TSEN2: variants seen among roughly 807,000 people sequenced by gnomAD.
TSEN2 encodes tRNA splicing endonuclease subunit 2.
In TSEN2, 54 loss-of-function variants were observed where a neutral mutation model predicts 59.2. The ratio of observed to expected loss-of-function variants is 0.91; its 90% confidence interval spans 0.73 to 1.14. The LOEUF (loss-of-function observed/expected upper bound fraction) is 1.14. Among genes scored for constraint, TSEN2 ranks in the 50% most tolerant of loss-of-function variants. TSEN2 has a pLI of 0.00. For synonymous variants in TSEN2, 195 were observed against 198.2 expected, an observed-to-expected ratio of 0.98 and a Z score of 0.14; for missense variants, 636 against 576.2, an observed-to-expected ratio of 1.10 and a Z score of -1.06.
intron 6 of TSEN2, among the ~76,000 whole-genome samples, 191 bp from the exon 7 acceptor site, chr3:12,516,420 G>T (rs1045354424): frequency 6.7e-6 from 1 of 149,282 alleles, no homozygotes; most frequent in Non-Finnish European, 1.5e-5. Flanking sequence ...GTGAGACTCC[G>T]TTTCAAAAAC....
Position 12,501,310 on chromosome 3 carries a change from T to G in TSEN2, c.309-1952T>G, listed in dbSNP as rs138710167. Reference sequence around the variant, plus strand: ...CACGGAGAAGTTAAGTAATTTGCATTGCCACACAGTTATAAGTAACAGGGC... The same window carrying G: ...CACGGAGAAGTTAAGTAATTTGCATGGCCACACAGTTATAAGTAACAGGGC... On this transcript the variant is annotated intron_variant, in intron 4 of 11. Transcript: ENST00000284995. Among the ~76,000 whole-genome samples, 43 of 152,324 alleles carry G rather than the reference T, an allele frequency of 2.8e-4. 1 individual carries two copies. Among genetic ancestry groups the G allele is most frequent in the African/African-American group, 8.9e-4 (37 of 41,572 alleles).
intron 10 of TSEN2, chr3:12,530,262 G>C (rs1294965635): frequency 9.9e-7 from 1 of 1,007,642 alleles, no homozygotes; most frequent in Non-Finnish European, 1.2e-6. Context: ...AAAGTTTGCA[G>C]ATCTCTTAGA....
Position 12,506,721 on chromosome 3 carries a change from G to A in TSEN2, c.909+1490G>A, listed in dbSNP as rs986723358. The A allele has an allele frequency of 8.1e-6, 8 of 985,232 alleles. No individual in the cohort carries two copies. In the South Asian group the frequency reaches 3.3e-4, roughly 40 times the overall value. The allele number at this position is 985,232 out of a possible 1,614,324, so 61.0% of individuals were successfully genotyped here. A position where few individuals can be genotyped will look rare whatever the true frequency, so the allele number is the denominator to read the frequency against. ...TTATGTTGATAGTGCACACAGAAAT[G>A]TCTTTTCTGCCTTTGAAGCTAGGAC... On this transcript the variant is annotated intron_variant, in intron 6 of 11. Transcript: ENST00000284995.
intron 8 of TSEN2, among the ~76,000 whole-genome samples, chr3:12,527,600 A>G (rs1439482343): frequency 6.6e-6 from 1 of 152,070 alleles, no homozygotes; most frequent in Admixed American, 6.6e-5. Context: ...AACAGCTTAC[A>G]GATGTAATTG....
At chr3:12,523,526 C>CTTTTTTTTTTGTTTTTTTTTTTTTTTT (rs2056824953) in intron 8 of TSEN2, among the ~76,000 whole-genome samples, 1 of 46,480 alleles carries the variant, frequency 2.2e-5, no homozygotes. Context: ...CTCTTTGATT[C>CTTTTTTTTTTGTTTTTTTTTTTTTTTT]TTTTTTTTTT....
At chr3:12,512,575 A>G (rs574054347) in intron 6 of TSEN2, among the ~76,000 whole-genome samples, 31 of 152,386 alleles carry the variant, frequency 2.0e-4, no homozygotes, top group Non-Finnish European at 3.8e-4. Context: ...TGGTGAAAGT[A>G]TTACACAGTG....
At chr3:12,510,378 A>G (rs1559322987) in intron 6 of TSEN2, among the ~76,000 whole-genome samples, 1 of 152,206 alleles carries the variant, frequency 6.6e-6, no homozygotes, top group African/African-American at 2.4e-5. Flanking sequence ...GTCTAACTCC[A>G]GTTTTAGAGG....
chr3:12,484,328 T>G (rs920470490), upstream of TSEN2: 2 of 152,366 alleles, frequency 1.3e-5, no homozygotes, highest in African/African-American at 2.4e-5. Flanking sequence ...CGCCTCATAC[T>G]CCGCAGTGGC....
downstream of TSEN2, among the ~76,000 whole-genome samples, chr3:12,538,541 A>G (rs2057732942): frequency 6.6e-6 from 1 of 151,946 alleles, no homozygotes; most frequent in African/African-American, 2.4e-5. Context: ...GCTTCCCCCT[A>G]AGTTATTTTA....
chr3:12,480,528 G>GGTTTTTTTTTTTTTTTTTTTTTTTTTT (rs1553565213), upstream of TSEN2, among the ~76,000 whole-genome samples: 5 of 91,738 alleles, frequency 5.5e-5, no homozygotes, highest in South Asian at 3.3e-4. Flanking sequence ...TTGTTTCTTT[G>GGTTTTTTTTTTTTTTTTTTTTTTTTTT]TTTTTTTTTT....
intron 1 of TSEN2, among the ~76,000 whole-genome samples, chr3:12,488,727 G>C (rs2052899567): frequency 6.6e-6 from 1 of 152,208 alleles, no homozygotes; most frequent in Non-Finnish European, 1.5e-5. Flanking sequence ...GGTGCACAGT[G>C]GGTAATTCCG....
At chr3:12,528,469 C>T (rs6797577) in intron 8 of TSEN2, among the ~76,000 whole-genome samples, 5,008 of 152,264 alleles carry the variant, frequency 0.033, 272 homozygotes, top group African/African-American at 0.11. Flanking sequence ...ACCTGTAAAC[C>T]CCCACTTTGG....
At chr3:12,523,919 T>C (rs1416415175) in intron 8 of TSEN2, among the ~76,000 whole-genome samples, 1 of 152,210 alleles carries the variant, frequency 6.6e-6, no homozygotes, top group Non-Finnish European at 1.5e-5. Flanking sequence ...ATTCTTCACG[T>C]TTACGTACAT....
intron 8 of TSEN2, among the ~76,000 whole-genome samples, chr3:12,524,850 C>T (rs1308795267): frequency 1.3e-5 from 2 of 149,494 alleles, no homozygotes; most frequent in Non-Finnish European, 3.0e-5. Flanking sequence ...TCAAGTGATT[C>T]TCCTGCCTCA....
In TSEN2 at chr3:12,520,055, G is replaced by C. The variant is rs189889572; in HGVS notation, c.1099+858G>C. On this transcript the variant is annotated intron_variant, in intron 8 of 11. Transcript: ENST00000284995. ...CCCTGTTGCCCAGGCTGGAGTGCCA[G>C]TGGCACAATCTTGGCTCACTGCAAC... Among the ~76,000 whole-genome samples the C allele has an allele frequency of 7.9e-5, 12 of 151,522 alleles. No homozygotes were observed. The East Asian group carries it at 2.4e-3, about 30-fold the overall frequency.
chr3:12,486,972 A>G (rs888319977), intron 1 of TSEN2, among the ~76,000 whole-genome samples: 7 of 152,222 alleles, frequency 4.6e-5, no homozygotes, highest in African/African-American at 1.4e-4. Context: ...CTTTGATGCT[A>G]TTATGAATAA....
At chr3:12,487,715 GT>G (rs11317477) in intron 1 of TSEN2, among the ~76,000 whole-genome samples, 97,335 of 151,438 alleles carry the variant, frequency 0.64, 33,830 homozygotes, top group African/African-American at 0.91. Context: ...TGATAATTTA[GT>G]ACTTGGGCTG....
At chr3:12,523,339 A>G (rs761267342) in intron 8 of TSEN2, among the ~76,000 whole-genome samples, 21 of 152,010 alleles carry the variant, frequency 1.4e-4, no homozygotes, top group Non-Finnish European at 2.9e-4. Context: ...CAGCACAGAA[A>G]TGGAATGGTG....
intron 8 of TSEN2, among the ~76,000 whole-genome samples, chr3:12,520,965 C>T (rs896671580): frequency 6.6e-6 from 1 of 152,132 alleles, no homozygotes; most frequent in Admixed American, 6.6e-5. Context: ...TAGACCCCAG[C>T]GTCTGTTGTT....
Sources: allele counts gnomAD v4.1 joint callset (sites outside exome capture counted in the v4.1 genomes callset), GRCh38; gene constraint gnomAD v4.1.1; transcripts MANE v1.5; gene names NCBI Gene and HGNC (gene_info 2026-07-23, HGNC 2026-07-21).